The following CATSPERD variants were observed in gnomAD, a reference collection of about 807,000 sequenced individuals.
CATSPERD encodes the protein catsper channel auxiliary subunit delta.
In CATSPERD, 86 loss-of-function variants were observed where a neutral mutation model predicts 98.1. The ratio of observed to expected loss-of-function variants is 0.88; its 90% confidence interval spans 0.74 to 1.05. The LOEUF (loss-of-function observed/expected upper bound fraction) is 1.05. Ranked by LOEUF, CATSPERD falls within the 50% of genes least tolerant of loss-of-function variation. The pLI, the probability that CATSPERD is intolerant of heterozygous loss-of-function variation, is 0.00. For missense variants in CATSPERD, 995 were observed against 1,005.7 expected (o/e 0.99, Z 0.14); for synonymous variants, 394 against 390.2 (o/e 1.01, Z -0.12).
intron 7 of CATSPERD, 45 bp downstream of exon 7, chr19:5,739,484 C>T (rs745981294): frequency 4.5e-6 from 5 of 1,105,690 alleles, no homozygotes; most frequent in South Asian, 1.4e-5. Context: ...ACATATGTAC[C>T]TTGTGATTGT....
intron 21 of CATSPERD, among the ~76,000 whole-genome samples, chr19:5,776,877 C>CA (rs35462774): frequency 0.13 from 15,157 of 119,322 alleles, 871 homozygotes; most frequent in Admixed American, 0.17. Flanking sequence ...GACTCCATCT[C>CA]AAAAAAAAAA....
intron 14 of CATSPERD, 106 bp from the exon 15 acceptor site, chr19:5,758,980 G>A (rs117437695): frequency 1.5e-5 from 13 of 876,730 alleles, no homozygotes; most frequent in East Asian, 7.8e-5. Flanking sequence ...TTCCAGGTTC[G>A]TCCCCCCATG....
At chr19:5,721,668 TTTA>T (rs1029105977) in intron 1 of CATSPERD, among the ~76,000 whole-genome samples, 2 of 152,100 alleles carry the variant, frequency 1.3e-5, no homozygotes, top group African/African-American at 4.8e-5. Context: ...TTTTATTTTA[TTTA>T]TTATTATTTT....
chr19:5,772,091 A>G, intron 19 of CATSPERD: 1 of 198,708 alleles, frequency 5.0e-6, no homozygotes, highest in Non-Finnish European at 9.6e-6. Flanking sequence ...TCTGTTGCCC[A>G]GGCTGGAGTC....
intron 14 of CATSPERD, among the ~76,000 whole-genome samples, chr19:5,758,316 C>G (rs1041915124): frequency 2.0e-5 from 3 of 152,026 alleles, no homozygotes; most frequent in Non-Finnish European, 4.4e-5. Flanking sequence ...AGTGAGAAAA[C>G]AGTCACTCCT....
intron 4 of CATSPERD, among the ~76,000 whole-genome samples, chr19:5,733,347 TCTTCCTTCCTTCCCTC>T (rs961194125): frequency 0.028 from 3,767 of 135,206 alleles, 84 homozygotes; most frequent in Non-Finnish European, 0.038. Flanking sequence ...TTTCTTTCTT[TCTTCCTTCCTTCCCTC>T]CTTCCTTCCT....
At chr19:5,755,532 G>A (rs1290122480) in intron 13 of CATSPERD, among the ~76,000 whole-genome samples, 1 of 152,082 alleles carries the variant, frequency 6.6e-6, no homozygotes. Flanking sequence ...TACTTCAGGA[G>A]GCTGAGGTGG....
rs764899212 is a variant in CATSPERD, at chr19:5,757,829, T to C, written c.1279-14T>C. On this transcript the variant is annotated splice_polypyrimidine_tract_variant and intron_variant, in intron 13 of 21. Transcript: ENST00000381624. ...TGGCTCCGTACAGCCTGAGCTTCTC[T>C]CCCCCACTCCCAGGTGATGGTGAGC... is the stretch of plus-strand genomic sequence containing the variant. The C allele has an allele frequency of 3.1e-6, 5 of 1,608,258 alleles. No homozygotes were observed. The highest frequency in any genetic ancestry group is 3.4e-6 in the Non-Finnish European group (4 of 1,176,494).
chr19:5,750,225 G>T (rs2056179663), intron 11 of CATSPERD, among the ~76,000 whole-genome samples: 1 of 149,232 alleles, frequency 6.7e-6, no homozygotes, highest in Non-Finnish European at 1.5e-5. Flanking sequence ...AAGGTGGGCG[G>T]ATCACGAGTT....
intron 2 of CATSPERD, among the ~76,000 whole-genome samples, chr19:5,725,676 C>T (rs1280040947): frequency 2.0e-5 from 3 of 152,012 alleles, no homozygotes; most frequent in East Asian, 3.9e-4. Flanking sequence ...CCGAGGCGGG[C>T]GGATCCCTGA....
intron 7 of CATSPERD, among the ~76,000 whole-genome samples, chr19:5,740,762 CA>C (rs59937872): frequency 0.12 from 4,537 of 36,630 alleles, 52 homozygotes; most frequent in African/African-American, 0.2. Context: ...AACTCCGTCT[CA>C]AAAAAAAAAA....
At position 5,776,150 on chromosome 19, in the gene CATSPERD, G is replaced by GT. The variant is rs752133541; in HGVS notation, c.1942-10dup. 6.2e-6 allele frequency: 10 copies of GT among 1,613,656 alleles called. No individual in the cohort carries two copies. The South Asian group carries it at 1.1e-4, about 18-fold the overall frequency. ...CCCTAGGGCCAGTGGGCATGTCTCTGTCCCCCACAGAACTATGTGAGCTGC... is the reference window on the plus strand; with the variant it reads ...CCCTAGGGCCAGTGGGCATGTCTCTGTTCCCCCACAGAACTATGTGAGCTGC... On this transcript the variant is annotated splice_polypyrimidine_tract_variant and intron_variant, in intron 20 of 21. Coordinates refer to ENST00000381624, the MANE Select transcript of CATSPERD (RefSeq NM_152784.4).
chr19:5,748,067 G>T (rs1332376803), intron 9 of CATSPERD, 93 bp from the exon 10 acceptor site: 9 of 967,324 alleles, frequency 9.3e-6, no homozygotes, highest in Non-Finnish European at 1.5e-5. Flanking sequence ...GGGTGGGTTG[G>T]GTGGTGGCAG....
chr19:5,745,849 T>A (rs1016262840), intron 8 of CATSPERD, 64 bp from the exon 9 acceptor site: 1 of 1,563,246 alleles, frequency 6.4e-7, no homozygotes. Context: ...CTTCCCTCAT[T>A]AGGACTCAGT....
intron 7 of CATSPERD, among the ~76,000 whole-genome samples, chr19:5,742,289 C>CGT (rs10649751): frequency 0.48 from 66,483 of 138,596 alleles, 16,212 homozygotes; most frequent in Non-Finnish European, 0.52. Context: ...CGTGTGTGTG[C>CGT]GTGTGTACGT....
In CATSPERD at chr19:5,772,943, G is replaced by A. The variant is rs1286871833; in HGVS notation, c.1919G>A (p.Gly640Glu). Reference sequence around the variant, plus strand: ...ACCACCATGATAAAGGAATTCGGGGGGCCCTTCTTCTGGAACAGAGAGGTA... The same window carrying A: ...ACCACCATGATAAAGGAATTCGGGGAGCCCTTCTTCTGGAACAGAGAGGTA... ...NWTTMIKEFG[G>E]PFFWNRENYV... Residue 640 changes from glycine (G) to glutamate (E), a missense_variant, in exon 20 of 22, where the codon GGG becomes GAG. Transcript: ENST00000381624. 3.1e-6 allele frequency: 5 copies of A among 1,613,798 alleles called. No individual in the cohort carries two copies. In the Admixed American group the frequency reaches 5.0e-5, roughly 16 times the overall value.
intron 17 of CATSPERD, 45 bp downstream of exon 17, chr19:5,766,200 C>T (rs374842001): frequency 4.0e-5 from 63 of 1,567,584 alleles, no homozygotes; most frequent in African/African-American, 1.9e-4. Context: ...CCTGTGATCC[C>T]AGCACTTTGG....
Position 5,778,405 on chromosome 19 carries a change from T to A in CATSPERD, c.2126T>A (p.Ile709Asn), listed in dbSNP as rs377658825. 2.5e-6 allele frequency: 4 copies of A among 1,612,778 alleles called. No individual in the cohort carries two copies. In the African/African-American group the frequency reaches 5.3e-5, roughly 21 times the overall value. ...SYCQLETIFSIYVYGAFPVQL... is the reference protein window; with the variant it reads ...SYCQLETIFSNYVYGAFPVQL... ...TGTCAACTGGAGACCATCTTTAGCA[T>A]CTACGTGTATGGAGCATTCCCCGTG... The change falls in exon 22 of 22, where the codon ATC becomes AAC. Residue 709 changes from isoleucine (I) to asparagine (N), a missense_variant. Physicochemically the swap from Ile to Asn is moderately radical, Grantham distance 149. Transcript: ENST00000381624.
chr19:5,724,703 A>C (rs1039379691), intron 1 of CATSPERD, 105 bp from the exon 2 acceptor site: 4 of 1,199,514 alleles, frequency 3.3e-6, no homozygotes, highest in Non-Finnish European at 4.9e-6. Flanking sequence ...CGTCCCCCCC[A>C]AAAAAGAACA....
Sources: gnomAD v4.1 joint callset for allele counts (sites outside exome capture counted in the v4.1 genomes callset) on GRCh38, gnomAD v4.1.1 for gene constraint, MANE v1.5 for transcripts, NCBI Gene and HGNC (gene_info 2026-07-23, HGNC 2026-07-21) for gene names.